FAM169A: variants seen among roughly 807,000 people sequenced by gnomAD.
The protein encoded by FAM169A is family with sequence similarity 169 member A, also known as soluble lamin-associated protein of 75 kDa.
A neutral mutation model predicts 75.7 loss-of-function variants in FAM169A; 24 were observed. That is an observed-to-expected ratio of 0.32 (90% CI 0.23 to 0.45). The LOEUF is 0.45. Ranked by LOEUF, FAM169A falls within the 20% of genes least tolerant of loss-of-function variation. FAM169A has a pLI of 1.00. For synonymous variants in FAM169A, 271 were observed against 271.0 expected (o/e 1.00, Z 0.00); for missense variants, 673 against 784.0 (o/e 0.86, Z 1.69).
At chr5:74,798,946 C>T (rs1301127821) in intron 10 of FAM169A, 5 of 875,320 alleles carry the variant, frequency 5.7e-6, no homozygotes, top group African/African-American at 1.7e-5. Context: ...CAAGACCGTC[C>T]GGACTGCCCC....
intron 8 of FAM169A, among the ~76,000 whole-genome samples, chr5:74,801,830 T>C (rs1189824393): frequency 2.0e-5 from 3 of 152,234 alleles, no homozygotes; most frequent in Non-Finnish European, 4.4e-5. Context: ...TCATCTAATA[T>C]GTCATAGTGT....
chr5:74,809,706 A>G (rs1429594757), intron 6 of FAM169A, among the ~76,000 whole-genome samples: 9 of 152,226 alleles, frequency 5.9e-5, no homozygotes, highest in African/African-American at 2.2e-4. Flanking sequence ...AGGGTAGATG[A>G]TTATCCAGTA....
chr5:74,798,076 T>A (rs778899129), intron 10 of FAM169A, among the ~76,000 whole-genome samples: 10 of 152,224 alleles, frequency 6.6e-5, no homozygotes, highest in Non-Finnish European at 1.3e-4. Context: ...TTTCTACTTA[T>A]CTTTGAAGCC....
At chr5:74,782,183 CTCAAT>C (rs1745447804) in intron 12 of FAM169A, among the ~76,000 whole-genome samples, 175 bp from the exon 13 acceptor site, 1 of 152,132 alleles carries the variant, frequency 6.6e-6, no homozygotes, top group Non-Finnish European at 1.5e-5. Context: ...CTGAATACAA[CTCAAT>C]TTCTTCAAAA....
chr5:74,789,152 G>A lies in FAM169A; in HGVS notation c.1261-6018C>T, dbSNP rs1016428672. ...AACCTTGTTCAAAGAGACCTTGATC[G>A]CTTTTCACTTCCACAAGTTATCACA... On this transcript the variant is annotated intron_variant, in intron 11 of 12. Transcript: ENST00000687041. Among the ~76,000 whole-genome samples the A allele has an allele frequency of 2.6e-5, 4 of 152,276 alleles. No homozygotes were observed. The East Asian group carries it at 7.7e-4, about 29-fold the overall frequency.
rs1333946621 is a variant in FAM169A at position 74,799,387 on chromosome 5, T to C, written c.1103+1493A>G. 14 of 1,612,862 alleles carry C rather than the reference T, an allele frequency of 8.7e-6. No homozygotes were observed. The South Asian group carries it at 1.2e-4, about 14-fold the overall frequency. ...TTACTTTGAGTCTGAAAATGACTGG[T>C]GGGTGAGCAAGCACATTAAAAAGCT... On this transcript the variant is annotated intron_variant, in intron 10 of 12. Coordinates refer to ENST00000687041, the MANE Select transcript of FAM169A (RefSeq NM_001376049.1).
chr5:74,797,374 G>C (rs1354366496), intron 10 of FAM169A, among the ~76,000 whole-genome samples: 1 of 152,048 alleles, frequency 6.6e-6, no homozygotes, highest in Non-Finnish European at 1.5e-5. Context: ...ACAGGGTTTT[G>C]CCATGTTGTC....
At chr5:74,815,339 G>A (rs189917652) in intron 5 of FAM169A, among the ~76,000 whole-genome samples, 291 of 151,832 alleles carry the variant, frequency 1.9e-3, no homozygotes, top group South Asian at 7.9e-3. Flanking sequence ...ACAGGCGCCC[G>A]CCACCACACC....
chr5:74,807,148 A>G (rs1050628860), intron 6 of FAM169A, among the ~76,000 whole-genome samples: 2 of 152,196 alleles, frequency 1.3e-5, no homozygotes, highest in Admixed American at 1.3e-4. Flanking sequence ...AACCCATCAT[A>G]AATTGAAAAT....
intron 2 of FAM169A, 147 bp downstream of exon 2, chr5:74,841,398 A>G: frequency 1.8e-6 from 1 of 564,150 alleles, no homozygotes; most frequent in Non-Finnish European, 2.9e-6. Flanking sequence ...TGATCAACCA[A>G]TATTTATCCA....
At chr5:74,858,583 AAGGT>A (rs1044334358) in intron 1 of FAM169A, among the ~76,000 whole-genome samples, 21 of 152,230 alleles carry the variant, frequency 1.4e-4, no homozygotes, top group African/African-American at 4.8e-4. Context: ...GGCTTACTTG[AAGGT>A]AGAGGGTGGG....
intron 1 of FAM169A, among the ~76,000 whole-genome samples, chr5:74,846,589 A>G (rs759878660): frequency 3.9e-5 from 6 of 152,242 alleles, no homozygotes; most frequent in Non-Finnish European, 7.3e-5. Context: ...ATTCTATTAA[A>G]TAAGCAATAG....
intron 6 of FAM169A, among the ~76,000 whole-genome samples, chr5:74,813,170 T>TTGCTACA (rs1747293568): frequency 6.6e-6 from 1 of 151,948 alleles, no homozygotes; most frequent in South Asian, 2.1e-4. Context: ...GAAGGGGAAA[T>TTGCTACA]GGATGGTGAC....
In FAM169A at chr5:74,796,179, A is replaced by C; in HGVS notation, c.1111T>G (p.Ser371Ala). The C allele has an allele frequency of 6.3e-7, 1 of 1,599,304 alleles. No individual in the cohort carries two copies. Among genetic ancestry groups the C allele is most frequent in the Non-Finnish European group, 8.5e-7 (1 of 1,175,994 alleles). Residue 371 changes from serine to alanine, a missense_variant, in exon 11 of 13, where the codon TCT (serine) becomes GCT (alanine). Transcript: ENST00000687041. Reference protein sequence around the residue: ...SLTASINKLESTARPSESSEE... With the variant: ...SLTASINKLEATARPSESSEE... ...GAGCTCTCTGATGGGCGTGCAGTAG[A>C]CTCCAATCTAAAAAACAAAAGAAAA...
At chr5:74,799,426 G>T in intron 10 of FAM169A, 1 of 1,613,148 alleles carries the variant, frequency 6.2e-7, no homozygotes, top group Non-Finnish European at 8.5e-7. Context: ...TCGCTCCACA[G>T]TCCTCAGCTT....
intron 6 of FAM169A, among the ~76,000 whole-genome samples, chr5:74,808,474 G>A (rs1169776175): frequency 1.2e-4 from 18 of 152,180 alleles, no homozygotes; most frequent in Admixed American, 1.0e-3. Context: ...ACCAGAAGAT[G>A]GGGGTAGGGG....
intron 10 of FAM169A, chr5:74,799,751 ATC>A: frequency 1.8e-6 from 2 of 1,141,512 alleles, no homozygotes; most frequent in South Asian, 2.5e-5. Flanking sequence ...TGAGTGTGTC[ATC>A]TGTCTCAGAC....
At chr5:74,831,840 T>C (rs1202859736) in intron 5 of FAM169A, among the ~76,000 whole-genome samples, 7 of 152,132 alleles carry the variant, frequency 4.6e-5, no homozygotes, top group African/African-American at 4.8e-5. Context: ...CCAGCCATCA[T>C]AACTAAAAAC....
At chr5:74,793,323 CA>C (rs916752737) in intron 11 of FAM169A, among the ~76,000 whole-genome samples, 2,578 of 65,458 alleles carry the variant, frequency 0.039, 52 homozygotes, top group African/African-American at 0.13. Flanking sequence ...GAGTCCATTT[CA>C]AAAAAAAAAA....
Sources: allele counts gnomAD v4.1 joint callset (sites outside exome capture counted in the v4.1 genomes callset), GRCh38; gene constraint gnomAD v4.1.1; transcripts MANE v1.5; gene names NCBI Gene and HGNC (gene_info 2026-07-23, HGNC 2026-07-21).